The following PRSS36 variants were observed in gnomAD, a reference collection of about 807,000 sequenced individuals.
The protein encoded by PRSS36 is polyserase-2.
In PRSS36, 90 loss-of-function variants were observed where a neutral mutation model predicts 94.3. That is an observed-to-expected ratio of 0.95 (90% CI 0.80 to 1.14). The LOEUF (loss-of-function observed/expected upper bound fraction) is 1.14, where lower values mean the gene tolerates loss of function less well. Ranked by LOEUF, PRSS36 falls within the 50% of genes most tolerant of loss-of-function variation. The pLI is 0.00. For missense variants in PRSS36, 1,158 were observed against 1,135.0 expected, an observed-to-expected ratio of 1.02 and a Z score of -0.29; for synonymous variants, 500 against 489.6, an observed-to-expected ratio of 1.02 and a Z score of -0.28.
intron 6 of PRSS36, 40 bp downstream of exon 6, chr16:31,145,749 A>G (rs768440315): frequency 7.5e-6 from 12 of 1,591,344 alleles, no homozygotes; most frequent in Non-Finnish European, 1.0e-5. Context: ...ACTGGTTAGG[A>G]CTCTGGCCCT....
intron 6 of PRSS36, among the ~76,000 whole-genome samples, chr16:31,145,436 A>AATAC (rs1567451593): frequency 6.6e-6 from 1 of 151,678 alleles, no homozygotes; most frequent in East Asian, 1.9e-4. Flanking sequence ...TAAATAAATA[A>AATAC]ATACATAAAT....
intron 14 of PRSS36, 75 bp downstream of exon 14, chr16:31,140,219 C>A (rs1340815793): frequency 3.5e-6 from 5 of 1,421,332 alleles, no homozygotes; most frequent in South Asian, 1.6e-5. Flanking sequence ...AATTCCAATT[C>A]TGCTATCTCT....
chr16:31,144,302 GTAGCTGGGAC>G (rs367868586), intron 6 of PRSS36, among the ~76,000 whole-genome samples: 58 of 152,262 alleles, frequency 3.8e-4, no homozygotes, highest in African/African-American at 1.4e-3. Context: ...AGCTTCCCGA[GTAGCTGGGAC>G]TACAGGTGTA....
chr16:31,145,903 G>T lies in PRSS36; in HGVS notation c.606C>A (p.Gly202=). Residue 202 remains glycine, a synonymous_variant, in exon 6 of 15, where the codon GGC becomes GGA. Transcript: ENST00000268281. ...TGTAGAGACATTGACAGGTGGCCTC[G>T]CCCAGCAGCCTTAGCTCCACTTCCT... ...VLQEVELRLL[G]EATCQCLYSQ... 1 of 1,613,892 alleles carries T rather than the reference G, an allele frequency of 6.2e-7. No homozygotes were observed. Among genetic ancestry groups the T allele is most frequent in the Admixed American group, 1.7e-5 (1 of 60,006 alleles).
chr16:31,146,584 T>G (rs1175221599), intron 5 of PRSS36, among the ~76,000 whole-genome samples: 1 of 152,080 alleles, frequency 6.6e-6, no homozygotes, highest in African/African-American at 2.4e-5. Flanking sequence ...TGTCTAAACT[T>G]GGTGCTGCAG....
intron 6 of PRSS36, among the ~76,000 whole-genome samples, 192 bp downstream of exon 6, chr16:31,145,597 C>T (rs2057787773): frequency 6.6e-6 from 1 of 152,120 alleles, no homozygotes; most frequent in East Asian, 1.9e-4. Context: ...CGAGATTGCG[C>T]CACTGCAGTC....
At position 31,140,299 on chromosome 16, in the gene PRSS36, A is replaced by G; in HGVS notation, c.2284T>C (p.Cys762Arg). The change falls in exon 14 of 15, where the codon TGT (cysteine) becomes CGT (arginine). Residue 762 changes from cysteine to arginine, a missense_variant. Physicochemically the swap from Cys to Arg is radical, Grantham distance 180 (BLOSUM62 -3). Transcript: ENST00000268281. ...VLYAEGQENR[C>R]EMTSAPPLLC... is the part of the protein sequence containing the mutation. ...GGACGCCCAGGCCCCTGTACCTCAC[A>G]CCTGTTCTCCTGCCCCTCTGCATAC... 6.2e-7 allele frequency: 1 copy of G among 1,610,884 alleles called. No homozygotes were observed. The highest frequency in any genetic ancestry group is 1.1e-5 in the South Asian group (1 of 90,630).
At position 31,148,592 on chromosome 16, in the gene PRSS36, G is replaced by A; in HGVS notation, c.356C>T (p.Thr119Ile). 4 of 1,611,000 alleles carry A rather than the reference G, an allele frequency of 2.5e-6. No homozygotes were observed. The highest frequency in any genetic ancestry group is 3.4e-6 in the Non-Finnish European group (4 of 1,179,080). The change falls in exon 5 of 15, where the codon ACC becomes ATC. Residue 119 changes from threonine (T) to isoleucine (I), a missense_variant. Coordinates refer to ENST00000268281, the MANE Select transcript of PRSS36 (RefSeq NM_173502.5). ...SQDGPLDGAH[T>I]RAVAAIVVPA... is the part of the protein sequence containing the mutation. Reference sequence around the variant, plus strand: ...CACCACGATGGCGGCCACTGCGCGGGTGTGCGCGCCGTCCAGGGGCCCGTC... The same window carrying A: ...CACCACGATGGCGGCCACTGCGCGGATGTGCGCGCCGTCCAGGGGCCCGTC...
chr16:31,142,093 C>G (rs1048630519), intron 10 of PRSS36, 133 bp from the exon 11 acceptor site: 15 of 745,316 alleles, frequency 2.0e-5, no homozygotes, highest in Admixed American at 1.9e-4. Context: ...AAATCAGACT[C>G]CAAATACTAA....
chr16:31,140,424 A>G lies in PRSS36; in HGVS notation c.2168-9T>C. The G allele has an allele frequency of 6.2e-7, 1 of 1,612,520 alleles. No homozygotes were observed. Among genetic ancestry groups the G allele is most frequent in the Non-Finnish European group, 8.5e-7 (1 of 1,179,254 alleles). ...AGCAGCAGCCACAGGGACTGGGGAG[A>G]GGAGACAAAGTTGTTCCAGGGCTCT... is the stretch of plus-strand genomic sequence containing the variant. On this transcript the variant is annotated splice_polypyrimidine_tract_variant and intron_variant, in intron 13 of 14. Coordinates refer to ENST00000268281, the MANE Select transcript of PRSS36 (RefSeq NM_173502.5).
At chr16:31,142,410 T>C in intron 10 of PRSS36, 71 bp downstream of exon 10, 1 of 1,385,368 alleles carries the variant, frequency 7.2e-7, no homozygotes, top group Non-Finnish European at 9.4e-7. Context: ...GGACTCGCCT[T>C]CCACAGGCCC....
chr16:31,143,076 C>A (rs1175369767), intron 8 of PRSS36, 83 bp from the exon 9 acceptor site: 2 of 1,383,934 alleles, frequency 1.4e-6, no homozygotes, highest in Admixed American at 3.5e-5. Flanking sequence ...ACTTGCCAGG[C>A]GAGGATCCTG....
chr16:31,149,282 C>T (rs1293824337), intron 3 of PRSS36, 47 bp from the exon 4 acceptor site: 1 of 1,521,068 alleles, frequency 6.6e-7, no homozygotes, highest in Admixed American at 2.1e-5. Flanking sequence ...GGGTTCCCCA[C>T]TCCAGAAGCC....
chr16:31,139,305 C>T lies in PRSS36; in HGVS notation c.2401G>A (p.Ala801Thr), dbSNP rs981136146. Residue 801 changes from alanine to threonine, a missense_variant, in exon 15 of 15, where the codon GCC becomes ACC. Physicochemically the swap from Ala to Thr is moderately conservative, Grantham distance 58 (BLOSUM62 0). Transcript: ENST00000268281. ...TCTCCCACTGTCTGGGAGATCCAGG[C>T]CTCTTCAGGACCAATGGCAGCAAAC... ...ELFAAIGPEEAWISQTVGEAN... is the reference protein window; with the variant it reads ...ELFAAIGPEETWISQTVGEAN... The T allele has an allele frequency of 6.2e-7, 1 of 1,614,116 alleles. No homozygotes were observed. The highest frequency in any genetic ancestry group is 2.2e-5 in the East Asian group (1 of 44,874).
In PRSS36 at chr16:31,142,596, C is replaced by A; in HGVS notation, c.1406G>T (p.Gly469Val). Residue 469 changes from glycine (G) to valine (V), a missense_variant, in exon 10 of 15, where the codon GGC becomes GTC. Physicochemically the swap from Gly to Val is moderately radical, Grantham distance 109. Transcript: ENST00000268281. ...GCCGTACAGGCAGTGGCACCACCAG[C>A]CGCCTAACAGCTCCGCCTCCAGCAG... ...GALLEAELLG[G>V]WWCHCLYGRQ... The A allele has an allele frequency of 6.6e-7, 1 of 1,519,904 alleles. No homozygotes were observed. Among genetic ancestry groups the A allele is most frequent in the South Asian group, 1.2e-5 (1 of 82,436 alleles). 94.2% of individuals were successfully genotyped at this position (1,519,904 alleles called of 1,614,324 possible). A position where few individuals can be genotyped will look rare whatever the true frequency, so the allele number is the denominator to read the frequency against.
intron 10 of PRSS36, 29 bp from the exon 11 acceptor site, chr16:31,141,989 G>A: frequency 6.3e-7 from 1 of 1,594,842 alleles, no homozygotes; most frequent in Non-Finnish European, 8.6e-7. Flanking sequence ...TGTGTTACTT[G>A]CCTCTGCGTG....
chr16:31,148,551 G>C lies in PRSS36; in HGVS notation c.397C>G (p.Gln133Glu). 1 of 1,606,660 alleles carries C rather than the reference G, an allele frequency of 6.2e-7. No individual in the cohort carries two copies. The highest frequency in any genetic ancestry group is 8.5e-7 in the Non-Finnish European group (1 of 1,178,068). ...GCCAGGTCGGCGCCCAGCTCCACTT[G>C]GCTGTAGTTGGCCGGCACCACGATG... is the stretch of plus-strand genomic sequence containing the variant. ...AAIVVPANYS[Q>E]VELGADLALL... The change falls in exon 5 of 15, where the codon CAA (glutamine) becomes GAA (glutamate). Residue 133 changes from glutamine (Q) to glutamate (E), a missense_variant. Transcript: ENST00000268281.
chr16:31,141,489 T>TGCCAGGACCCAGCCTGGG lies in PRSS36; in HGVS notation c.1863_1880dup (p.Pro622_Ala627dup). On this transcript the variant is annotated inframe_insertion, in exon 12 of 15. Coordinates refer to ENST00000268281, the MANE Select transcript of PRSS36 (RefSeq NM_173502.5). ...CCCACCTGAGGACACAGTGAGTGGC[T>TGCCAGGACCCAGCCTGGG]GCCAGGACCCAGCCTGGGGCCAGGA... is the stretch of plus-strand genomic sequence containing the variant. 1 of 1,612,406 alleles carries TGCCAGGACCCAGCCTGGG rather than the reference T, an allele frequency of 6.2e-7. No homozygotes were observed. Among genetic ancestry groups the TGCCAGGACCCAGCCTGGG allele is most frequent in the South Asian group, 1.1e-5 (1 of 91,070 alleles).
At chr16:31,140,214 C>G in intron 14 of PRSS36, 80 bp downstream of exon 14, 3 of 1,419,170 alleles carry the variant, frequency 2.1e-6, no homozygotes, top group Admixed American at 2.5e-5. Flanking sequence ...AAAAAAATTC[C>G]AATTCTGCTA....
Sources: allele counts gnomAD v4.1 joint callset (sites outside exome capture counted in the v4.1 genomes callset), GRCh38; gene constraint gnomAD v4.1.1; transcripts MANE v1.5; gene names NCBI Gene and HGNC (gene_info 2026-07-23, HGNC 2026-07-21).